ZBBX: variants seen among roughly 807,000 people sequenced by gnomAD.
The protein encoded by ZBBX is zinc finger B-box domain-containing protein 1.
ZBBX carries 101 observed loss-of-function variants against 108.5 expected under a neutral mutation model. The observed-to-expected ratio is 0.93, with a 90% CI of 0.79 to 1.10. ZBBX has a LOEUF of 1.10. ZBBX is among the 50% of genes least tolerant of loss of function. The pLI, the probability that ZBBX is intolerant of heterozygous loss-of-function variation, is 0.00. For synonymous variants in ZBBX, 356 were observed against 323.4 expected, an observed-to-expected ratio of 1.10 and a Z score of -1.08; for missense variants, 1,009 against 941.4, an observed-to-expected ratio of 1.07 and a Z score of -0.94.
chr3:167,287,132 A>G (rs1198519676), intron 19 of ZBBX, among the ~76,000 whole-genome samples: 5 of 152,126 alleles, frequency 3.3e-5, no homozygotes, highest in Non-Finnish European at 7.4e-5. Flanking sequence ...AACCTTGCTT[A>G]TATATCTAAC....
At chr3:167,373,305 T>G (rs1483892023) in intron 3 of ZBBX, among the ~76,000 whole-genome samples, 1 of 152,194 alleles carries the variant, frequency 6.6e-6, no homozygotes, top group Non-Finnish European at 1.5e-5. Context: ...CTGAGCATCC[T>G]AGGATTTTGG....
At chr3:167,302,720 G>A in intron 17 of ZBBX, among the ~76,000 whole-genome samples, 1 of 152,156 alleles carries the variant, frequency 6.6e-6, no homozygotes, top group East Asian at 1.9e-4. Context: ...AGAGACAAAT[G>A]ACTTTATCAC....
At chr3:167,247,352 A>T (rs1424010037) in intron 20 of ZBBX, among the ~76,000 whole-genome samples, 1 of 152,204 alleles carries the variant, frequency 6.6e-6, no homozygotes, top group African/African-American at 2.4e-5. Context: ...CAGTCGGAGG[A>T]GAGCTGGGGC....
At chr3:167,335,612 C>T (rs879421435) in intron 9 of ZBBX, among the ~76,000 whole-genome samples, 14 of 151,050 alleles carry the variant, frequency 9.3e-5, no homozygotes, top group Non-Finnish European at 1.9e-4. Flanking sequence ...CATGAAAATG[C>T]TCCTATTTTT....
chr3:167,347,902 T>G (rs1033136555), intron 9 of ZBBX, among the ~76,000 whole-genome samples: 5 of 152,034 alleles, frequency 3.3e-5, no homozygotes, highest in Non-Finnish European at 7.4e-5. Context: ...AACTTTAAAT[T>G]TATATACATA....
chr3:167,362,005 T>A (rs772604281), intron 6 of ZBBX, among the ~76,000 whole-genome samples: 6 of 152,156 alleles, frequency 3.9e-5, no homozygotes, highest in African/African-American at 1.4e-4. Context: ...CATAAAAATA[T>A]TTCAGTGAAC....
chr3:167,292,314 T>C (rs1730837729), intron 18 of ZBBX, among the ~76,000 whole-genome samples: 1 of 152,098 alleles, frequency 6.6e-6, no homozygotes, highest in South Asian at 2.1e-4. Context: ...AGTAAAACCC[T>C]CCTCAGCAAA....
intron 20 of ZBBX, among the ~76,000 whole-genome samples, chr3:167,243,484 C>T (rs1188759751): frequency 1.3e-5 from 2 of 151,882 alleles, no homozygotes; most frequent in South Asian, 2.1e-4. Flanking sequence ...CCGCAACCTC[C>T]GCCTCCTGGG....
chr3:167,248,088 G>C (rs374617316), intron 20 of ZBBX, among the ~76,000 whole-genome samples: 2 of 152,230 alleles, frequency 1.3e-5, no homozygotes, highest in East Asian at 3.9e-4. Flanking sequence ...ATTTTTCCTA[G>C]AGGTGCCATG....
intron 20 of ZBBX, among the ~76,000 whole-genome samples, chr3:167,247,786 C>T (rs1721845261): frequency 6.6e-6 from 1 of 152,078 alleles, no homozygotes; most frequent in South Asian, 2.1e-4. Flanking sequence ...CAAATGGGAG[C>T]TCTGCCAGGA....
rs764610087 is a variant in ZBBX at position 167,306,202 on chromosome 3, G to A, written c.1418-252C>T. On this transcript the variant is annotated intron_variant, in intron 16 of 21. Coordinates refer to ENST00000675490, the MANE Select transcript of ZBBX (RefSeq NM_001199201.2). Reference sequence around the variant, plus strand: ...AGAAGGTAATATTTTATTTTGCAATGAAATCTTAAAATTGATGCAAATTTT... The same window carrying A: ...AGAAGGTAATATTTTATTTTGCAATAAAATCTTAAAATTGATGCAAATTTT... 1.9e-4 allele frequency among the ~76,000 whole-genome samples: 29 copies of A among 152,222 alleles called. No homozygotes were observed. The Middle Eastern group carries it at 0.01, about 54-fold the overall frequency.
intron 20 of ZBBX, 49 bp downstream of exon 20, chr3:167,282,189 G>A (rs780697053): frequency 6.5e-7 from 1 of 1,540,298 alleles, no homozygotes; most frequent in South Asian, 1.3e-5. Context: ...ATCCGGCTGA[G>A]GGCAGAGTTA....
chr3:167,301,662 A>C (rs570873628), intron 17 of ZBBX, among the ~76,000 whole-genome samples: 1 of 152,238 alleles, frequency 6.6e-6, no homozygotes, highest in East Asian at 1.9e-4. Context: ...TTTTTCATTA[A>C]CCTGGACATA....
intron 9 of ZBBX, among the ~76,000 whole-genome samples, chr3:167,334,756 C>A (rs1739280489): frequency 6.6e-6 from 1 of 151,798 alleles, no homozygotes; most frequent in Non-Finnish European, 1.5e-5. Context: ...TTGTGCACAT[C>A]ATAAATAAAG....
chr3:167,298,795 G>A (rs1457184599), intron 17 of ZBBX, among the ~76,000 whole-genome samples: 1 of 151,954 alleles, frequency 6.6e-6, no homozygotes, highest in Non-Finnish European at 1.5e-5. Context: ...TTCACACGCA[G>A]TGGCTTTGAA....
chr3:167,334,467 G>A (rs535208452), intron 9 of ZBBX, among the ~76,000 whole-genome samples: 4 of 152,136 alleles, frequency 2.6e-5, no homozygotes, highest in East Asian at 1.9e-4. Flanking sequence ...TCCGCTACTC[G>A]GGAGGCTGAG....
intron 1 of ZBBX, among the ~76,000 whole-genome samples, chr3:167,403,981 A>G (rs1367710234): frequency 6.6e-6 from 1 of 152,174 alleles, no homozygotes; most frequent in African/African-American, 2.4e-5. Context: ...TAAATGTAAA[A>G]TGACTACACA....
At chr3:167,313,732 G>A (rs920698089) in intron 16 of ZBBX, among the ~76,000 whole-genome samples, 1 of 152,136 alleles carries the variant, frequency 6.6e-6, no homozygotes, top group African/African-American at 2.4e-5. Flanking sequence ...TTAAATGCTA[G>A]CTGAGTCTAT....
intron 9 of ZBBX, 74 bp from the exon 10 acceptor site, chr3:167,334,059 T>C: frequency 9.9e-7 from 1 of 1,007,146 alleles, no homozygotes; most frequent in Non-Finnish European, 1.4e-6. Context: ...TTAACTCATA[T>C]TTGTGTTATT....
Sources: gnomAD v4.1 joint callset for allele counts (sites outside exome capture counted in the v4.1 genomes callset) on GRCh38, gnomAD v4.1.1 for gene constraint, MANE v1.5 for transcripts, NCBI Gene and HGNC (gene_info 2026-07-23, HGNC 2026-07-21) for gene names.